MYO1F: variants seen among roughly 807,000 people sequenced by gnomAD.
MYO1F encodes the protein myosin IF.
A neutral mutation model predicts 146.6 loss-of-function variants in MYO1F; 60 were observed. The observed-to-expected ratio is 0.41, with a 90% CI of 0.33 to 0.51. The LOEUF (loss-of-function observed/expected upper bound fraction) is 0.51. Ranked by LOEUF, MYO1F falls within the 20% of genes least tolerant of loss-of-function variation. The pLI is 0.25. For synonymous variants in MYO1F, 602 were observed against 602.1 expected (o/e 1.00, Z 0.00); for missense variants, 1,274 against 1,534.3 (o/e 0.83, Z 2.83).
chr19:8,533,733 T>C (rs1271027681), intron 19 of MYO1F, among the ~76,000 whole-genome samples: 2 of 152,108 alleles, frequency 1.3e-5, no homozygotes, highest in Admixed American at 1.3e-4. Flanking sequence ...CCTGCGGAAC[T>C]GTGAGAGAAT....
intron 25 of MYO1F, 98 bp from the exon 26 acceptor site, chr19:8,522,927 C>T (rs867592784): frequency 7.0e-5 from 75 of 1,070,178 alleles, no homozygotes; most frequent in Middle Eastern, 2.9e-4. Context: ...GAGGAGACTG[C>T]GACACTCTCA....
intron 24 of MYO1F, 123 bp from the exon 25 acceptor site, chr19:8,525,685 C>T (rs918358092): frequency 1.6e-5 from 13 of 808,948 alleles, no homozygotes; most frequent in Non-Finnish European, 2.7e-5. Context: ...ATTAGCACCG[C>T]CCCTTAGGTA....
In MYO1F at chr19:8,554,737, T is replaced by C. The variant is rs375056736; in HGVS notation, c.148A>G (p.Ile50Val). The stretch of plus-strand genomic sequence containing the variant: ...TTTACAGAGATGAGCACAGAGCCGA[T>C]GTAGGTCTGAGGGATGGTTAAGGGT... ...RFMDDYIFTY[I>V]GSVLISVNPF... The change falls in exon 3 of 28, where the codon ATC becomes GTC. Residue 50 changes from isoleucine (I) to valine (V), a missense_variant. Ile to Val is a conservative substitution (Grantham distance 29). Around this residue, in one of 2 missense-constraint regions of MYO1F, gnomAD observed 900 missense variants for 1,155.1 expected, o/e 0.78. Coordinates refer to ENST00000644032, the MANE Select transcript of MYO1F (RefSeq NM_012335.4). 7.4e-6 allele frequency: 12 copies of C among 1,613,890 alleles called. No individual in the cohort carries two copies. The highest frequency in any genetic ancestry group is 2.7e-5 in the African/African-American group (2 of 74,946).
rs1362581750 is a variant in MYO1F, at chr19:8,521,467, C to T, written c.*61G>A. On this transcript the variant is annotated 3_prime_UTR_variant, in exon 28 of 28. Coordinates refer to ENST00000644032, the MANE Select transcript of MYO1F (RefSeq NM_012335.4). Reference sequence around the variant, plus strand: ...AGGCTCTCATTGGCAGGGCCTGGCTCCCCACCAGGCCGGCAGGCAGATAGG... The same window carrying T: ...AGGCTCTCATTGGCAGGGCCTGGCTTCCCACCAGGCCGGCAGGCAGATAGG... 1 of 1,545,578 alleles carries T rather than the reference C, an allele frequency of 6.5e-7. No homozygotes were observed. Among genetic ancestry groups the T allele is most frequent in the East Asian group, 2.3e-5 (1 of 44,120 alleles).
intron 21 of MYO1F, chr19:8,529,882 A>G: frequency 1.9e-6 from 1 of 520,914 alleles, no homozygotes; most frequent in Non-Finnish European, 3.5e-6. Context: ...GGGGATAGAT[A>G]CCTGTGGGCA....
chr19:8,521,691 C>G (rs1056615651), intron 27 of MYO1F, 87 bp from the exon 28 acceptor site: 3 of 1,234,898 alleles, frequency 2.4e-6, no homozygotes, highest in South Asian at 2.5e-5. Context: ...TTCATGGGGA[C>G]TCCCTATGTT....
chr19:8,540,003 C>G lies in MYO1F; in HGVS notation c.1636G>C (p.Glu546Gln). The G allele has an allele frequency of 6.2e-7, 1 of 1,611,702 alleles. No homozygotes were observed. The highest frequency in any genetic ancestry group is 1.1e-5 in the South Asian group (1 of 90,832). Residue 546 changes from glutamate (E) to glutamine (Q), a missense_variant, in exon 16 of 28, where the codon GAG becomes CAG. Physicochemically the swap from Glu to Gln is conservative, Grantham distance 29. Coordinates refer to ENST00000644032, the MANE Select transcript of MYO1F (RefSeq NM_012335.4). ...CCCTTCTTGTCTCCATCCAGCTTCT[C>G]GGGGAAGAGCATCCGGAGGAAGGCC... ...EQAFLRMLFP[E>Q]KLDGDKKGRP...
At chr19:8,574,938 T>C (rs1391850505) in intron 1 of MYO1F, among the ~76,000 whole-genome samples, 1 of 151,592 alleles carries the variant, frequency 6.6e-6, no homozygotes, top group Admixed American at 6.6e-5. Context: ...GTATTTTTAG[T>C]AGAGACAGGG....
chr19:8,539,856 G>A lies in MYO1F; in HGVS notation c.1692+91C>T, dbSNP rs78543795. The A allele has an allele frequency of 0.013, 14,378 of 1,145,978 alleles. 207 individuals are homozygous for A. The highest frequency in any genetic ancestry group is 0.064 in the African/African-American group (4,153 of 65,188). 71.0% of individuals were successfully genotyped at this position (1,145,978 alleles called of 1,614,324 possible). ...CCCCAGGATTGGTAGACAGACAGAC[G>A]TTGGAATGAGAGAAACAGAGTCCGG... is the stretch of plus-strand genomic sequence containing the variant. On this transcript the variant is annotated intron_variant, in intron 16 of 27. Coordinates refer to ENST00000644032, the MANE Select transcript of MYO1F (RefSeq NM_012335.4).
At chr19:8,576,841 GA>G in intron 1 of MYO1F, 1 of 208,584 alleles carries the variant, frequency 4.8e-6, no homozygotes, top group Non-Finnish European at 9.9e-6. Flanking sequence ...TGTTGCAACT[GA>G]AAGACCCCTG....
At chr19:8,548,440 T>C in intron 10 of MYO1F, 123 bp from the exon 11 acceptor site, 1 of 861,844 alleles carries the variant, frequency 1.2e-6, no homozygotes, top group Non-Finnish European at 1.9e-6. Context: ...CCAGTTTCCC[T>C]CCAGCCCTCT....
chr19:8,577,234 A>T lies in MYO1F; in HGVS notation c.3+73T>A. 1 of 1,577,296 alleles carries T rather than the reference A, an allele frequency of 6.3e-7. No individual in the cohort carries two copies. Among genetic ancestry groups the T allele is most frequent in the Middle Eastern group, 1.7e-4 (1 of 5,996 alleles). ...CCCCTCACCCCAATTTCTGATGGTCATTTTTAGGACACCTCCACCTGGCTG... is the reference window on the plus strand; with the variant it reads ...CCCCTCACCCCAATTTCTGATGGTCTTTTTTAGGACACCTCCACCTGGCTG... On this transcript the variant is annotated intron_variant, in intron 1 of 27. Transcript: ENST00000644032. This position sits in a 1 kb window ranked among gnomAD's most constrained non-coding sequence, Gnocchi z 4.3.
At chr19:8,575,242 C>G (rs953929628) in intron 1 of MYO1F, among the ~76,000 whole-genome samples, 2 of 151,340 alleles carry the variant, frequency 1.3e-5, no homozygotes, top group Non-Finnish European at 2.9e-5. Flanking sequence ...ACACCCAGCT[C>G]ATTTTTGTAT....
chr19:8,548,955 T>C (rs1036448224), intron 10 of MYO1F, among the ~76,000 whole-genome samples: 4 of 151,692 alleles, frequency 2.6e-5, no homozygotes, highest in Non-Finnish European at 5.9e-5. Context: ...GCTTTTTCTT[T>C]TCTATTTTTT....
intron 1 of MYO1F, among the ~76,000 whole-genome samples, chr19:8,574,617 CTT>C (rs781945460): frequency 0.15 from 9,661 of 62,788 alleles, 548 homozygotes; most frequent in East Asian, 0.25. Flanking sequence ...TTCTTTCTTT[CTT>C]TCTTTCTTTC....
intron 1 of MYO1F, among the ~76,000 whole-genome samples, chr19:8,575,575 G>T (rs1312007484): frequency 6.6e-6 from 1 of 152,078 alleles, no homozygotes; most frequent in Non-Finnish European, 1.5e-5. Context: ...ACCATGGCCC[G>T]ATAGCAGTCC....
chr19:8,560,700 T>G (rs1974054167), intron 1 of MYO1F, among the ~76,000 whole-genome samples: 2 of 150,404 alleles, frequency 1.3e-5, no homozygotes, highest in African/African-American at 4.9e-5. Context: ...CTCAGCCTCC[T>G]GTGTAGCTGA....
chr19:8,536,823 A>G (rs1599936242), intron 17 of MYO1F, 126 bp downstream of exon 17: 3 of 578,734 alleles, frequency 5.2e-6, no homozygotes, highest in African/African-American at 2.5e-5. Context: ...CAGGTGGGGG[A>G]TTGTGGGAGG....
intron 25 of MYO1F, among the ~76,000 whole-genome samples, chr19:8,524,583 A>T (rs199542866): frequency 1.6e-4 from 1 of 6,364 alleles, no homozygotes; most frequent in African/African-American, 1.8e-4. Context: ...AGACTGTCTC[A>T]AAAAAAAAAA....
Sources: gnomAD v4.1 joint callset for allele counts (sites outside exome capture counted in the v4.1 genomes callset) on GRCh38, gnomAD v4.1.1 for gene constraint, gnomAD v4.1.1 regional missense constraint, Gnocchi (gnomAD v3.1) non-coding constraint, MANE v1.5 for transcripts, NCBI Gene and HGNC (gene_info 2026-07-23, HGNC 2026-07-21) for gene names.